The following CMPK2 variants were observed in gnomAD, a reference collection of about 807,000 sequenced individuals.
CMPK2 encodes UMP-CMP kinase 2, mitochondrial.
Under a neutral mutation model 33.4 loss-of-function variants are expected in CMPK2, and 32 were observed. The ratio of observed to expected loss-of-function variants is 0.96; its 90% CI spans 0.72 to 1.29. The LOEUF is 1.29. Among genes scored for constraint, CMPK2 ranks in the 50% most tolerant of loss-of-function variants. CMPK2 has a pLI of 0.00. For missense variants in CMPK2, 672 were observed against 616.0 expected (o/e 1.09, Z -0.96); for synonymous variants, 299 against 275.3 (o/e 1.09, Z -0.85).
upstream of CMPK2, chr2:6,866,095 G>T: frequency 4.0e-6 from 1 of 248,774 alleles, no homozygotes. Flanking sequence ...ACCCTGGTTT[G>T]AGTTCCTCCT....
intron 2 of CMPK2, 87 bp downstream of exon 2, chr2:6,863,377 A>G (rs1166882213): frequency 7.1e-6 from 8 of 1,133,422 alleles, no homozygotes; most frequent in Admixed American, 1.8e-5. Context: ...GGCTCCATAT[A>G]AAGTTTGGTT....
chr2:6,841,950 A>G (rs1260678131), intron 3 of CMPK2, among the ~76,000 whole-genome samples: 2 of 152,314 alleles, frequency 1.3e-5, no homozygotes, highest in Non-Finnish European at 2.9e-5. Flanking sequence ...AAGCATACTT[A>G]GAATCCATAT....
rs1662423394 is a variant in CMPK2 at position 6,848,679 on chromosome 2, G to T, written c.*1171C>A. The T allele has an allele frequency of 2.0e-6, 2 of 983,082 alleles. No individual in the cohort carries two copies. Among genetic ancestry groups the T allele is most frequent in the Non-Finnish European group, 2.4e-6 (2 of 827,512 alleles). The allele number at this position is 983,082 out of a possible 1,614,324, so 60.9% of individuals were successfully genotyped here. ...TGTCTTCTTAAGAAATGGTAGATAG[G>T]ATAAAATAATTTACAGATTTATCTG... On this transcript the variant is annotated 3_prime_UTR_variant, in exon 5 of 5. Coordinates refer to ENST00000256722, the MANE Select transcript of CMPK2 (RefSeq NM_207315.4).
downstream of CMPK2, among the ~76,000 whole-genome samples, chr2:6,846,991 C>A (rs1662377544): frequency 6.6e-6 from 1 of 152,064 alleles, no homozygotes; most frequent in African/African-American, 2.4e-5. Context: ...GGAGTGCAGA[C>A]AACAAGGGTG....
At position 6,851,497 on chromosome 2, in the gene CMPK2, C is replaced by T. The variant is rs769258813; in HGVS notation, c.1179G>A (p.Lys393=). The T allele has an allele frequency of 6.2e-7, 1 of 1,614,224 alleles. No homozygotes were observed. The highest frequency in any genetic ancestry group is 8.5e-7 in the Non-Finnish European group (1 of 1,180,040). Residue 393 remains lysine (K), a synonymous_variant, in exon 4 of 5, where the codon AAG becomes AAA. Coordinates refer to ENST00000256722, the MANE Select transcript of CMPK2 (RefSeq NM_207315.4). ...LQRLQGRGME[K]TREEAELEAN... ...CCTCAAGTTCTGCTTCTTCCCTGGT[C>T]TTCTCCATGCCCCGGCCCTGCAGCC...
chr2:6,846,501 C>G (rs1050053248), downstream of CMPK2, among the ~76,000 whole-genome samples: 1 of 152,222 alleles, frequency 6.6e-6, no homozygotes, highest in African/African-American at 2.4e-5. Context: ...CCAACTAACT[C>G]TACTCCGCAA....
intron 3 of CMPK2, among the ~76,000 whole-genome samples, chr2:6,853,384 C>T (rs1374839406): frequency 2.6e-5 from 4 of 152,152 alleles, no homozygotes; most frequent in African/African-American, 9.7e-5. Context: ...GTGTCCCCCG[C>T]CCCACCTGTT....
chr2:6,851,172 CACTT>C, intron 4 of CMPK2: 1 of 1,257,196 alleles, frequency 8.0e-7, no homozygotes, highest in Non-Finnish European at 1.0e-6. Context: ...GGCACAGAGA[CACTT>C]ACTGTCTTAC....
chr2:6,853,685 G>A (rs1288590580), intron 3 of CMPK2, among the ~76,000 whole-genome samples: 8 of 152,052 alleles, frequency 5.3e-5, no homozygotes, highest in Admixed American at 2.6e-4. Context: ...GGTGGATCAC[G>A]AGGTCAGGAG....
chr2:6,853,832 G>A (rs1321998433), intron 3 of CMPK2, among the ~76,000 whole-genome samples: 1 of 152,060 alleles, frequency 6.6e-6, no homozygotes, highest in African/African-American at 2.4e-5. Flanking sequence ...AACCCGGAAG[G>A]CAGAGCTTGC....
chr2:6,853,064 C>T lies in CMPK2; in HGVS notation c.993-1381G>A, dbSNP rs1233656437. ...TCCCAGGTTCAAGCATTTCTCCTGC[C>T]CCACCCTCCCAAGTAGCTGGGATTA... On this transcript the variant is annotated intron_variant, in intron 3 of 4. Coordinates refer to ENST00000256722, the MANE Select transcript of CMPK2 (RefSeq NM_207315.4). Among the ~76,000 whole-genome samples the T allele has an allele frequency of 2.0e-5, 3 of 152,218 alleles. No individual in the cohort carries two copies. In the East Asian group the frequency reaches 5.8e-4, roughly 29 times the overall value.
downstream of CMPK2, among the ~76,000 whole-genome samples, chr2:6,846,608 A>G (rs1402502309): frequency 1.3e-5 from 2 of 152,234 alleles, no homozygotes; most frequent in Admixed American, 1.3e-4. Context: ...AAAATGCAAT[A>G]GGAAAAGATT....
chr2:6,856,833 T>C (rs957619544), intron 3 of CMPK2, among the ~76,000 whole-genome samples: 3 of 152,258 alleles, frequency 2.0e-5, no homozygotes, highest in African/African-American at 7.2e-5. Context: ...CCTCATGCAT[T>C]GCACAACATA....
At chr2:6,861,422 C>T (rs1379205893) in intron 2 of CMPK2, 37 bp from the exon 3 acceptor site, 16 of 1,530,514 alleles carry the variant, frequency 1.0e-5, no homozygotes, top group Non-Finnish European at 1.4e-5. Context: ...ATCTTAACCA[C>T]AGCCCCAAAG....
intron 3 of CMPK2, among the ~76,000 whole-genome samples, chr2:6,859,804 G>C (rs1046827026): frequency 6.6e-6 from 1 of 152,202 alleles, no homozygotes; most frequent in East Asian, 1.9e-4. Context: ...GTCCCTACTG[G>C]GGCACTACCT....
intron 3 of CMPK2, among the ~76,000 whole-genome samples, chr2:6,860,889 T>C (rs1662854767): frequency 1.3e-5 from 2 of 152,216 alleles, no homozygotes; most frequent in Non-Finnish European, 2.9e-5. Flanking sequence ...CTGAGATCTA[T>C]AGTTCTCATC....
rs1490454763 is a variant in CMPK2, at chr2:6,861,310, C to T, written c.866G>A (p.Gly289Asp). The change falls in exon 3 of 5, where the codon GGC (glycine) becomes GAC (aspartate). Residue 289 changes from glycine (G) to aspartate (D), a missense_variant. Coordinates refer to ENST00000256722, the MANE Select transcript of CMPK2 (RefSeq NM_207315.4). Reference sequence around the variant, plus strand: ...ATCATCAAAGATCTTCCTCCACTGGCCAATGCAAGAGGGTGGTGACTTTAA... The same window carrying T: ...ATCATCAAAGATCTTCCTCCACTGGTCAATGCAAGAGGGTGGTGACTTTAA... Reference protein sequence around the residue: ...VLLKSPPSCIGQWRKIFDDEP... With the variant: ...VLLKSPPSCIDQWRKIFDDEP... 1.2e-6 allele frequency: 2 copies of T among 1,613,976 alleles called. No individual in the cohort carries two copies. Among genetic ancestry groups the T allele is most frequent in the Non-Finnish European group, 1.7e-6 (2 of 1,179,996 alleles).
In CMPK2 at chr2:6,860,617, C is replaced by T. The variant is rs566034748; in HGVS notation, c.992+567G>A. On this transcript the variant is annotated intron_variant, in intron 3 of 4. Transcript: ENST00000256722. ...CCATGATTGTGAGGCCTCCCCAGCC[C>T]CATGGAACTGTAAGTCCATTAAACT... Among the ~76,000 whole-genome samples, 13 of 152,320 alleles carry T rather than the reference C, an allele frequency of 8.5e-5. No individual in the cohort carries two copies. The South Asian group carries it at 2.7e-3, about 32-fold the overall frequency.
chr2:6,852,857 C>A (rs529580785), intron 3 of CMPK2, among the ~76,000 whole-genome samples: 1 of 152,264 alleles, frequency 6.6e-6, no homozygotes, highest in African/African-American at 2.4e-5. Context: ...ATAAAAGGAC[C>A]ATCACTCACA....
Sources: allele counts gnomAD v4.1 joint callset (sites outside exome capture counted in the v4.1 genomes callset), GRCh38; gene constraint gnomAD v4.1.1; transcripts MANE v1.5; gene names NCBI Gene and HGNC (gene_info 2026-07-23, HGNC 2026-07-21).